Variants in BRCA2 observed in about 807,000 individuals in gnomAD.
BRCA2 encodes the protein breast cancer type 2 susceptibility protein.
A neutral mutation model predicts 276.7 loss-of-function variants in BRCA2; 203 were observed. The ratio of observed to expected loss-of-function variants is 0.73; its 90% CI spans 0.65 to 0.82. BRCA2 has a LOEUF of 0.82. Ranked by LOEUF, BRCA2 falls within the 40% of genes least tolerant of loss-of-function variation. The pLI is 0.00. For missense variants in BRCA2, 3,920 were observed against 3,915.0 expected, an observed-to-expected ratio of 1.00 and a Z score of -0.03; for synonymous variants, 1,289 against 1,338.4, an observed-to-expected ratio of 0.96 and a Z score of 0.81.
intron 3 of BRCA2, among the ~76,000 whole-genome samples, chr13:32,320,488 T>C (rs370181281): frequency 9.8e-5 from 15 of 152,336 alleles, no homozygotes; most frequent in African/African-American, 3.6e-4. Context: ...AAACATATTG[T>C]TACCTCTACC....
intron 18 of BRCA2, among the ~76,000 whole-genome samples, chr13:32,364,690 T>A (rs2072768984): frequency 6.6e-6 from 1 of 152,238 alleles, no homozygotes; most frequent in Admixed American, 6.5e-5. Context: ...TCATTTCTCT[T>A]AATTTTCTGT....
chr13:32,351,428 C>T (rs893272021), intron 13 of BRCA2, among the ~76,000 whole-genome samples: 1 of 152,114 alleles, frequency 6.6e-6, no homozygotes, highest in Non-Finnish European at 1.5e-5. Context: ...AGAACAAACT[C>T]GGGACACACT....
chr13:32,353,154 C>T (rs1318830027), intron 13 of BRCA2, among the ~76,000 whole-genome samples: 1 of 152,132 alleles, frequency 6.6e-6, no homozygotes, highest in Non-Finnish European at 1.5e-5. Context: ...TTCTCATCAC[C>T]CTAAGCAGTT....
chr13:32,328,391 AC>A (rs1265866826), intron 7 of BRCA2, among the ~76,000 whole-genome samples: 2 of 151,852 alleles, frequency 1.3e-5, no homozygotes, highest in African/African-American at 4.8e-5. Context: ...ACAGGCACCC[AC>A]CACCACGCCT....
intron 24 of BRCA2, among the ~76,000 whole-genome samples, chr13:32,382,792 A>G (rs1457141124): frequency 6.6e-6 from 1 of 152,212 alleles, no homozygotes; most frequent in Admixed American, 6.5e-5. Context: ...GAAAGATCCA[A>G]TAAAGAAGGT....
rs1255464376 is a variant in BRCA2 at position 32,326,077 on chromosome 13, G to C, written c.426-24G>C. The C allele has an allele frequency of 6.3e-7, 1 of 1,595,098 alleles. No homozygotes were observed. The highest frequency in any genetic ancestry group is 8.6e-7 in the Non-Finnish European group (1 of 1,167,692). ...TTGCCAGTTTTTTAAAATAACCTAA[G>C]GGATTTGCTTTGTTTTATTTTAGTC... On this transcript the variant is annotated intron_variant, in intron 4 of 26. Coordinates refer to ENST00000380152, the MANE Select transcript of BRCA2 (RefSeq NM_000059.4).
chr13:32,384,135 C>T (rs1353787339), intron 24 of BRCA2, among the ~76,000 whole-genome samples: 2 of 152,118 alleles, frequency 1.3e-5, no homozygotes, highest in South Asian at 2.1e-4. Flanking sequence ...TCTGATAACA[C>T]GAGGTTCAAA....
Position 32,355,165 on chromosome 13 carries a change from G to T in BRCA2, c.7312G>T (p.Asp2438Tyr), listed in dbSNP as rs776936973. Residue 2438 changes from aspartate to tyrosine, a missense_variant, in exon 14 of 27, where the codon GAT (aspartate) becomes TAT (tyrosine). Transcript: ENST00000380152. ...GGAAAACAGACAAAAGCAAAACATT[G>T]ATGGACATGGCTCTGATGATAGTAA... ...LEENRQKQNI[D>Y]GHGSDDSKNK... 4 of 1,613,812 alleles carry T rather than the reference G, an allele frequency of 2.5e-6. No individual in the cohort carries two copies. In the South Asian group the frequency reaches 4.4e-5, roughly 18 times the overall value.
At chr13:32,329,749 G>T (rs1400751681) in intron 8 of BRCA2, among the ~76,000 whole-genome samples, 1 of 151,816 alleles carries the variant, frequency 6.6e-6, no homozygotes, top group Non-Finnish European at 1.5e-5. Context: ...CCCAGTGAAT[G>T]CTTGAAACCT....
At position 32,337,263 on chromosome 13, in the gene BRCA2, G is replaced by T. The variant is rs397507295; in HGVS notation, c.2908G>T (p.Asp970Tyr). Residue 970 changes from aspartate (D) to tyrosine (Y), a missense_variant, in exon 11 of 27, where the codon GAT (aspartate) becomes TAT (tyrosine). Asp to Tyr is a radical substitution (Grantham distance 160). Transcript: ENST00000380152. Reference sequence around the variant, plus strand: ...GCATATAAAAATGACTCTAGGTCAAGATTTAAAATCGGACATCTCCTTGAA... The same window carrying T: ...GCATATAAAAATGACTCTAGGTCAATATTTAAAATCGGACATCTCCTTGAA... ...KQHIKMTLGQ[D>Y]LKSDISLNID... The T allele has an allele frequency of 6.2e-7, 1 of 1,611,990 alleles. No individual in the cohort carries two copies. Among genetic ancestry groups the T allele is most frequent in the Non-Finnish European group, 8.5e-7 (1 of 1,179,412 alleles).
At chr13:32,346,362 C>T (rs2072610759) in intron 12 of BRCA2, among the ~76,000 whole-genome samples, 1 of 151,922 alleles carries the variant, frequency 6.6e-6, no homozygotes, top group South Asian at 2.1e-4. Context: ...CGTCCTCATT[C>T]TTTTTTGTGG....
intron 24 of BRCA2, 41 bp from the exon 25 acceptor site, chr13:32,394,648 C>A: frequency 6.3e-7 from 1 of 1,593,862 alleles, no homozygotes. Context: ...ATTCATCTAA[C>A]ACATCTATAA....
At chr13:32,367,997 A>C (rs1256803649) in intron 18 of BRCA2, among the ~76,000 whole-genome samples, 1 of 109,636 alleles carries the variant, frequency 9.1e-6, no homozygotes, top group Non-Finnish European at 1.8e-5. Flanking sequence ...CTTTTCTTCT[A>C]ATTCTTTTTT....
Position 32,326,156 on chromosome 13 carries a change from A to G in BRCA2, c.475+6A>G, listed in dbSNP as rs2072344881. 4 of 1,608,134 alleles carry G rather than the reference A, an allele frequency of 2.5e-6. No homozygotes were observed. The highest frequency in any genetic ancestry group is 3.4e-6 in the Non-Finnish European group (4 of 1,175,292). The stretch of plus-strand genomic sequence containing the variant: ...ACCACAAAGAGATAAGTCAGGTATG[A>G]TTAAAAACAATGCTTTTTATTCTTA... On this transcript the variant is annotated splice_donor_region_variant and intron_variant, in intron 5 of 26. Coordinates refer to ENST00000380152, the MANE Select transcript of BRCA2 (RefSeq NM_000059.4).
At chr13:32,326,061 T>A in intron 4 of BRCA2, 40 bp from the exon 5 acceptor site, 1 of 1,566,328 alleles carries the variant, frequency 6.4e-7, no homozygotes, top group Non-Finnish European at 8.7e-7. Context: ...TTTGCCAGTT[T>A]TTTAAAATAA....
rs78065656 is a variant in BRCA2 at position 32,393,874 on chromosome 13, T to C, written c.9257-815T>C. On this transcript the variant is annotated intron_variant, in intron 24 of 26. Transcript: ENST00000380152. Reference sequence around the variant, plus strand: ...GGAGTCAGACCTGTACAAAAAGATATACTTCATGTCACTTCCTCCTTATCC... The same window carrying C: ...GGAGTCAGACCTGTACAAAAAGATACACTTCATGTCACTTCCTCCTTATCC... 6.3e-3 allele frequency among the ~76,000 whole-genome samples: 965 copies of C among 152,288 alleles called. 7 individuals are homozygous for C. Among genetic ancestry groups the C allele is most frequent in the African/African-American group, 0.022 (931 of 41,556 alleles).
At chr13:32,324,953 AC>A (rs1261311690) in intron 3 of BRCA2, 122 bp from the exon 4 acceptor site, 2 of 706,278 alleles carry the variant, frequency 2.8e-6, no homozygotes, top group Non-Finnish European at 4.9e-6. Flanking sequence ...ACCTCTTCTT[AC>A]AACTCCCTAT....
chr13:32,332,045 G>C (rs977020677), intron 9 of BRCA2, among the ~76,000 whole-genome samples: 2 of 152,090 alleles, frequency 1.3e-5, no homozygotes, highest in African/African-American at 2.4e-5. Flanking sequence ...ATGAATAAAA[G>C]GCTTTAGGTT....
chr13:32,394,592 A>G, intron 24 of BRCA2, 97 bp from the exon 25 acceptor site: 1 of 1,418,896 alleles, frequency 7.0e-7, no homozygotes, highest in African/African-American at 1.4e-5. Context: ...ATTAGCATAT[A>G]CCAAAATAAA....
Sources: allele counts gnomAD v4.1 joint callset (sites outside exome capture counted in the v4.1 genomes callset), GRCh38; gene constraint gnomAD v4.1.1; transcripts MANE v1.5; gene names NCBI Gene and HGNC (gene_info 2026-07-23, HGNC 2026-07-21).